Variants in ASB3 observed in about 807,000 individuals in gnomAD.
ASB3 encodes ankyrin repeat and SOCS box containing 3.
In ASB3, 41 loss-of-function variants were observed where a neutral mutation model predicts 54.5. The ratio of observed to expected loss-of-function variants is 0.75; its 90% CI spans 0.59 to 0.98. The LOEUF (loss-of-function observed/expected upper bound fraction) is 0.98, where lower values mean the gene tolerates loss of function less well. Ranked by LOEUF, ASB3 falls within the 50% of genes least tolerant of loss-of-function variation. The probability of loss-of-function intolerance (pLI) is 0.00; values close to 1 mark genes in which losing one functional copy is unlikely to be tolerated. For synonymous variants in ASB3, 266 were observed against 221.2 expected, an observed-to-expected ratio of 1.20 and a Z score of -1.80; for missense variants, 733 against 620.0, an observed-to-expected ratio of 1.18 and a Z score of -1.94.
At chr2:53,682,565 C>G (rs1168660788) in intron 9 of ASB3, among the ~76,000 whole-genome samples, 6 of 152,108 alleles carry the variant, frequency 3.9e-5, no homozygotes, top group Non-Finnish European at 7.4e-5. Context: ...CAACCTCCAC[C>G]TCTCGGGTTC....
chr2:53,716,091 C>T (rs951201726), intron 6 of ASB3, among the ~76,000 whole-genome samples: 1 of 152,174 alleles, frequency 6.6e-6, no homozygotes, highest in African/African-American at 2.4e-5. Context: ...CCCATTTACT[C>T]TCTCTCCAAT....
chr2:53,751,919 A>C (rs931204428), intron 2 of ASB3, among the ~76,000 whole-genome samples: 27 of 152,344 alleles, frequency 1.8e-4, no homozygotes, highest in African/African-American at 5.3e-4. Flanking sequence ...TCACAGAAAT[A>C]GGGTTTCAGA....
chr2:53,708,209 G>T (rs1002951930), intron 7 of ASB3, among the ~76,000 whole-genome samples: 1 of 152,042 alleles, frequency 6.6e-6, no homozygotes, highest in African/African-American at 2.4e-5. Flanking sequence ...GGGAGTTCTT[G>T]TGAGAGCTAG....
rs376524247 is a variant in ASB3 at position 53,686,329 on chromosome 2, G to C, written c.1369+7555C>G. 2.6e-5 allele frequency among the ~76,000 whole-genome samples: 4 copies of C among 152,116 alleles called. No individual in the cohort carries two copies. The East Asian group carries it at 7.7e-4, about 29-fold the overall frequency. ...AAAGTATATCTCATTTTCAAACCAA[G>C]GACCATGAACTCTGCATTAACCCCT... On this transcript the variant is annotated intron_variant, in intron 9 of 9. Coordinates refer to ENST00000263634, the MANE Select transcript of ASB3 (RefSeq NM_016115.5).
chr2:53,698,814 A>T (rs1669325187), intron 8 of ASB3, among the ~76,000 whole-genome samples: 1 of 152,326 alleles, frequency 6.6e-6, no homozygotes, highest in South Asian at 2.1e-4. Flanking sequence ...TCTTATGAGC[A>T]CTCACCAGAA....
At chr2:53,729,005 T>C (rs563674617) in intron 4 of ASB3, among the ~76,000 whole-genome samples, 158 bp from the exon 5 acceptor site, 2 of 152,018 alleles carry the variant, frequency 1.3e-5, no homozygotes, top group African/African-American at 4.8e-5. Flanking sequence ...TGGAAAGAAA[T>C]TGGCCAAACG....
chr2:53,741,037 G>T (rs952952884), intron 3 of ASB3, among the ~76,000 whole-genome samples: 1 of 152,068 alleles, frequency 6.6e-6, no homozygotes, highest in Non-Finnish European at 1.5e-5. Context: ...CATTCATACA[G>T]CAGTATTCTC....
At chr2:53,707,836 C>T (rs1216541454) in intron 7 of ASB3, among the ~76,000 whole-genome samples, 1 of 151,534 alleles carries the variant, frequency 6.6e-6, no homozygotes, top group African/African-American at 2.4e-5. Flanking sequence ...GTGTCACATA[C>T]CTGTAATCCC....
chr2:53,680,229 G>T (rs946192250), intron 9 of ASB3, among the ~76,000 whole-genome samples: 25 of 152,200 alleles, frequency 1.6e-4, no homozygotes, highest in African/African-American at 6.0e-4. Context: ...CTTTATGACA[G>T]AAAGATTTCT....
chr2:53,686,302 T>C (rs1400490631), intron 9 of ASB3, among the ~76,000 whole-genome samples: 3 of 152,134 alleles, frequency 2.0e-5, no homozygotes, highest in Non-Finnish European at 2.9e-5. Context: ...ATAGAGAAAA[T>C]AAAAGTATAT....
chr2:53,700,603 T>C (rs2103765178), intron 7 of ASB3, 75 bp from the exon 8 acceptor site: 2 of 1,514,796 alleles, frequency 1.3e-6, no homozygotes, highest in Non-Finnish European at 1.8e-6. Flanking sequence ...AAACAGTTAA[T>C]AGTAGTTACA....
At chr2:53,687,462 G>C (rs73934972) in intron 9 of ASB3, among the ~76,000 whole-genome samples, 1,564 of 152,274 alleles carry the variant, frequency 0.01, 31 homozygotes, top group African/African-American at 0.036. Flanking sequence ...ATTACTGATT[G>C]AGATCTTAGT....
chr2:53,769,167 G>C (rs555307385), intron 1 of ASB3, among the ~76,000 whole-genome samples: 1 of 152,312 alleles, frequency 6.6e-6, no homozygotes, highest in East Asian at 1.9e-4. Context: ...GAATGTTCTA[G>C]AACAATATTC....
chr2:53,784,342 C>T (rs770520315), intron 1 of ASB3, among the ~76,000 whole-genome samples: 13 of 152,170 alleles, frequency 8.5e-5, no homozygotes, highest in African/African-American at 2.7e-4. Context: ...GTCTGTGACA[C>T]GTCCTTAACC....
intron 5 of ASB3, among the ~76,000 whole-genome samples, chr2:53,717,453 T>C (rs1004064181): frequency 2.0e-5 from 3 of 152,142 alleles, no homozygotes; most frequent in Non-Finnish European, 4.4e-5. Flanking sequence ...AGGGTCTCTT[T>C]CAACAGGTTT....
chr2:53,678,137 G>T (rs1668180604), intron 9 of ASB3, among the ~76,000 whole-genome samples: 1 of 49,682 alleles, frequency 2.0e-5, no homozygotes, highest in African/African-American at 1.3e-4. Flanking sequence ...TAGTTACCTT[G>T]CTGGTGTGTG....
intron 2 of ASB3, among the ~76,000 whole-genome samples, chr2:53,754,060 A>G (rs186954140): frequency 3.7e-4 from 56 of 152,300 alleles, no homozygotes; most frequent in African/African-American, 1.3e-3. Flanking sequence ...GTAGGTCCAA[A>G]AAGTAAAACG....
chr2:53,702,446 T>C (rs1473507599), intron 7 of ASB3, among the ~76,000 whole-genome samples: 2 of 152,182 alleles, frequency 1.3e-5, no homozygotes, highest in African/African-American at 4.8e-5. Context: ...ATGGATAACC[T>C]CTGGTTAAAA....
Position 53,714,433 on chromosome 2 carries a change from A to T in ASB3, c.931T>A (p.Cys311Ser). The T allele has an allele frequency of 6.2e-7, 1 of 1,614,240 alleles. No homozygotes were observed. ...RNGYSPDAQACLVFGFSSPVC... is the reference protein window; with the variant it reads ...RNGYSPDAQASLVFGFSSPVC... ...GGAGAACTGAATCCAAAAACAAGGC[A>T]CGCCTGGGCGTCTGGGCTGTAGCCA... Residue 311 changes from cysteine to serine, a missense_variant, in exon 7 of 10, where the codon TGC becomes AGC. Coordinates refer to ENST00000263634, the MANE Select transcript of ASB3 (RefSeq NM_016115.5).
Sources: allele counts gnomAD v4.1 joint callset (sites outside exome capture counted in the v4.1 genomes callset), GRCh38; gene constraint gnomAD v4.1.1; transcripts MANE v1.5; gene names NCBI Gene and HGNC (gene_info 2026-07-23, HGNC 2026-07-21).